Variants in GTF2F2 observed in about 807,000 individuals in gnomAD.
GTF2F2 encodes the protein ATP-dependent helicase GTF2F2.
GTF2F2 carries 23 observed loss-of-function variants against 42.2 expected under a neutral mutation model. The ratio of observed to expected loss-of-function variants is 0.55; its 90% CI spans 0.39 to 0.77. The LOEUF is 0.77. Among genes scored for constraint, GTF2F2 ranks in the 30% least tolerant of loss-of-function variants. GTF2F2 has a pLI of 0.00. For missense variants in GTF2F2, 261 were observed against 287.2 expected (o/e 0.91, Z 0.66); for synonymous variants, 105 against 100.8 (o/e 1.04, Z -0.25).
intron 2 of GTF2F2, among the ~76,000 whole-genome samples, chr13:45,149,416 G>C (rs1870365618): frequency 7.3e-6 from 1 of 137,304 alleles, no homozygotes; most frequent in Non-Finnish European, 1.5e-5. Flanking sequence ...GTGGTTGATA[G>C]AGGGAGACCC....
At chr13:45,246,040 G>A (rs1207869666) in intron 5 of GTF2F2, among the ~76,000 whole-genome samples, 2 of 144,852 alleles carry the variant, frequency 1.4e-5, no homozygotes, top group Admixed American at 7.1e-5. Context: ...GACGGAGCTC[G>A]CTCTGTCGCC....
At chr13:45,269,137 G>T (rs1876684576) in intron 7 of GTF2F2, among the ~76,000 whole-genome samples, 1 of 152,100 alleles carries the variant, frequency 6.6e-6, no homozygotes, top group South Asian at 2.1e-4. Flanking sequence ...AGACTAAATT[G>T]CCTCAATAAG....
chr13:45,131,092 A>G (rs1869318564), intron 1 of GTF2F2, among the ~76,000 whole-genome samples: 1 of 152,120 alleles, frequency 6.6e-6, no homozygotes, highest in African/African-American at 2.4e-5. Flanking sequence ...GTCTCTGCTA[A>G]AAATACAAAA....
intron 4 of GTF2F2, among the ~76,000 whole-genome samples, chr13:45,184,073 G>A (rs1426935056): frequency 6.6e-6 from 1 of 151,876 alleles, no homozygotes; most frequent in Non-Finnish European, 1.5e-5. Flanking sequence ...TGGCCAGGCT[G>A]GTCTTGAACT....
At chr13:45,269,960 T>A (rs1876721286) in intron 7 of GTF2F2, among the ~76,000 whole-genome samples, 1 of 151,948 alleles carries the variant, frequency 6.6e-6, no homozygotes, top group Admixed American at 6.6e-5. Flanking sequence ...GCCTCCTGAG[T>A]AGCTGGGATT....
chr13:45,133,766 C>G (rs1244882457), intron 1 of GTF2F2, among the ~76,000 whole-genome samples: 2 of 152,164 alleles, frequency 1.3e-5, no homozygotes, highest in African/African-American at 2.4e-5. Flanking sequence ...GCCTCTGTAT[C>G]GCTGCATTCG....
intron 4 of GTF2F2, chr13:45,206,261 A>C (rs1417205244): frequency 6.6e-6 from 1 of 152,150 alleles, no homozygotes; most frequent in Non-Finnish European, 1.5e-5. Context: ...GATTTTGGAG[A>C]CATCCAAAGA....
chr13:45,260,148 C>G (rs898576519), intron 6 of GTF2F2, among the ~76,000 whole-genome samples: 1 of 152,116 alleles, frequency 6.6e-6, no homozygotes, highest in African/African-American at 2.4e-5. Context: ...CATATATGCT[C>G]TGTTCCCTTC....
At chr13:45,273,654 A>ATTTTTTTTTTTTTTTTT (rs1331934269) in intron 7 of GTF2F2, among the ~76,000 whole-genome samples, 6 of 110,902 alleles carry the variant, frequency 5.4e-5, no homozygotes, top group Non-Finnish European at 9.0e-5. Context: ...AGAGTGGTAA[A>ATTTTTTTTTTTTTTTTT]ATTTTTTTTT....
At chr13:45,177,011 A>G (rs770906772) in intron 4 of GTF2F2, among the ~76,000 whole-genome samples, 1 of 151,914 alleles carries the variant, frequency 6.6e-6, no homozygotes, top group Non-Finnish European at 1.5e-5. Flanking sequence ...GCTGGTTTTG[A>G]ACTCCTGGCC....
chr13:45,255,444 G>A (rs191158451), intron 6 of GTF2F2, among the ~76,000 whole-genome samples: 110 of 152,266 alleles, frequency 7.2e-4, no homozygotes, highest in South Asian at 1.7e-3. Context: ...AACAAACCAG[G>A]TAAAAGTTCA....
intron 4 of GTF2F2, among the ~76,000 whole-genome samples, chr13:45,180,310 A>G (rs1872087600): frequency 1.3e-5 from 2 of 152,164 alleles, no homozygotes; most frequent in Admixed American, 1.3e-4. Context: ...AAAAACACTC[A>G]TAGGTGAGCT....
At chr13:45,250,779 G>T (rs1305301701) in intron 5 of GTF2F2, among the ~76,000 whole-genome samples, 1 of 152,104 alleles carries the variant, frequency 6.6e-6, no homozygotes, top group Admixed American at 6.5e-5. Flanking sequence ...GGCCATCGAA[G>T]AATCATTAAT....
chr13:45,278,810 C>CTTTTTCTTTTTT (rs1877135191), intron 7 of GTF2F2, among the ~76,000 whole-genome samples: 2 of 95,276 alleles, frequency 2.1e-5, no homozygotes, highest in Admixed American at 9.9e-5. Context: ...TTGCCTTTTT[C>CTTTTTCTTTTTT]TTTTTCTTTT....
intron 5 of GTF2F2, among the ~76,000 whole-genome samples, chr13:45,225,148 T>C (rs540663708): frequency 9.2e-5 from 14 of 152,300 alleles, no homozygotes; most frequent in South Asian, 4.1e-4. Flanking sequence ...ACAATTCCGA[T>C]GTAGGTGGTC....
intron 5 of GTF2F2, among the ~76,000 whole-genome samples, chr13:45,217,336 A>G (rs979247622): frequency 2.6e-5 from 4 of 151,692 alleles, no homozygotes; most frequent in African/African-American, 7.3e-5. Flanking sequence ...CAAATGGGAA[A>G]TCTCCCTGAC....
chr13:45,129,489 C>A (rs904765816), intron 1 of GTF2F2, among the ~76,000 whole-genome samples: 3 of 152,050 alleles, frequency 2.0e-5, no homozygotes, highest in Non-Finnish European at 2.9e-5. Context: ...GGATTACAGG[C>A]GTGAGCCACC....
At chr13:45,166,560 G>A (rs1304169810) in intron 4 of GTF2F2, among the ~76,000 whole-genome samples, 1 of 152,250 alleles carries the variant, frequency 6.6e-6, no homozygotes, top group South Asian at 2.1e-4. Context: ...AGCTTCATAT[G>A]GATTGTTTTC....
At chr13:45,153,568 T>A (rs1870605352) in intron 4 of GTF2F2, among the ~76,000 whole-genome samples, 1 of 152,218 alleles carries the variant, frequency 6.6e-6, no homozygotes, top group South Asian at 2.1e-4. Context: ...TGTTGAAGAT[T>A]CAACCCTTCA....
Sources: allele counts gnomAD v4.1 joint callset (sites outside exome capture counted in the v4.1 genomes callset), GRCh38; gene constraint gnomAD v4.1.1; transcripts MANE v1.5; gene names NCBI Gene and HGNC (gene_info 2026-07-23, HGNC 2026-07-21).